EXO1: variants seen among roughly 807,000 people sequenced by gnomAD.
EXO1 encodes the protein exonuclease 1.
A neutral mutation model predicts 84.5 loss-of-function variants in EXO1; 69 were observed. That is an observed-to-expected ratio of 0.82 (90% CI 0.67 to 1.00). EXO1 has a LOEUF of 1.00. EXO1 is among the 50% of genes least tolerant of loss of function. The pLI is 0.00. For synonymous variants in EXO1, 373 were observed against 366.1 expected (o/e 1.02, Z -0.21); for missense variants, 1,045 against 1,000.7 (o/e 1.04, Z -0.60).
chr1:241,850,901 C>T (rs1156711713), intron 4 of EXO1, among the ~76,000 whole-genome samples: 1 of 123,978 alleles, frequency 8.1e-6, no homozygotes, highest in Non-Finnish European at 1.6e-5. Context: ...GTGGCACAAT[C>T]TTGGCTCACT....
chr1:241,866,865 A>G lies in EXO1; in HGVS notation c.1077A>G (p.Lys359=). 6.2e-7 allele frequency: 1 copy of G among 1,613,960 alleles called. No homozygotes were observed. Among genetic ancestry groups the G allele is most frequent in the Non-Finnish European group, 8.5e-7 (1 of 1,179,850 alleles). The change falls in exon 11 of 16, where the codon AAA becomes AAG. Residue 359 remains lysine, a synonymous_variant. Transcript: ENST00000366548. ...AHSRSHSWDD[K]TCQKSANVSS... The stretch of plus-strand genomic sequence containing the variant: ...CAAGAAGTCATAGTTGGGATGACAA[A>G]ACATGTCAAAAGTCAGCTAATGTTA...
chr1:241,874,364 GC>G (rs1401942561), intron 12 of EXO1, among the ~76,000 whole-genome samples: 1 of 152,204 alleles, frequency 6.6e-6, no homozygotes, highest in East Asian at 1.9e-4. Context: ...CTGCAGTCCA[GC>G]CAGGGTGAGA....
chr1:241,885,159 A>T (rs576911354), intron 14 of EXO1, among the ~76,000 whole-genome samples, 155 bp from the exon 15 acceptor site: 1 of 151,878 alleles, frequency 6.6e-6, no homozygotes, highest in East Asian at 1.9e-4. Flanking sequence ...GTGAGCCGAG[A>T]TCGCACCACT....
In EXO1 at chr1:241,855,756, A is replaced by G. The variant is rs1660976820; in HGVS notation, c.406-1589A>G. 2.6e-5 allele frequency among the ~76,000 whole-genome samples: 4 copies of G among 152,372 alleles called. No homozygotes were observed. The South Asian group carries it at 8.3e-4, about 32-fold the overall frequency. On this transcript the variant is annotated intron_variant, in intron 6 of 15. Coordinates refer to ENST00000366548, the MANE Select transcript of EXO1 (RefSeq NM_130398.4). ...AGGCAGCTAAGGCCCCGCGAGAAAT[A>G]GAGCGCAGCGCCGGTGGGCCGGCAC...
chr1:241,879,816 C>T (rs1662646393), intron 13 of EXO1, among the ~76,000 whole-genome samples: 1 of 151,982 alleles, frequency 6.6e-6, no homozygotes, highest in South Asian at 2.1e-4. Context: ...ACCAGCCTGG[C>T]CAGCATGGTG....
At chr1:241,871,137 G>T (rs566303426) in intron 11 of EXO1, among the ~76,000 whole-genome samples, 51 of 152,252 alleles carry the variant, frequency 3.3e-4, no homozygotes, top group African/African-American at 8.9e-4. Context: ...TGGGGACCCT[G>T]GAACACTTGT....
chr1:241,870,364 T>A (rs778500320), intron 11 of EXO1, among the ~76,000 whole-genome samples: 7 of 152,218 alleles, frequency 4.6e-5, no homozygotes, highest in Non-Finnish European at 1.0e-4. Flanking sequence ...ATTGTGACAC[T>A]CCTAAATTTC....
intron 10 of EXO1, among the ~76,000 whole-genome samples, chr1:241,862,190 G>A (rs896267753): frequency 1.3e-5 from 2 of 152,122 alleles, no homozygotes; most frequent in African/African-American, 4.8e-5. Flanking sequence ...TGCCCACCTC[G>A]GCCTCCCAAA....
In EXO1 at chr1:241,853,354, G is replaced by A. The variant is rs1383923195; in HGVS notation, c.282-4G>A. On this transcript the variant is annotated splice_polypyrimidine_tract_variant and splice_region_variant and intron_variant, in intron 5 of 15. Coordinates refer to ENST00000366548, the MANE Select transcript of EXO1 (RefSeq NM_130398.4). The stretch of plus-strand genomic sequence containing the variant: ...TATATTTAAAAAATGTTCTTCCCTT[G>A]CAGAAGACGACAAGCCAATCTTCTT... The A allele has an allele frequency of 1.9e-6, 3 of 1,613,476 alleles. No homozygotes were observed. Among genetic ancestry groups the A allele is most frequent in the Admixed American group, 3.3e-5 (2 of 59,992 alleles).
intron 12 of EXO1, among the ~76,000 whole-genome samples, chr1:241,875,896 A>T (rs1306681156): frequency 1.3e-5 from 2 of 152,194 alleles, no homozygotes; most frequent in Non-Finnish European, 2.9e-5. Context: ...AAAAAAATAC[A>T]CTGATTAAAA....
At chr1:241,866,744 GTTTA>G (rs1249961164) in intron 10 of EXO1, 82 bp from the exon 11 acceptor site, 1 of 1,019,514 alleles carries the variant, frequency 9.8e-7, no homozygotes, top group Admixed American at 1.8e-5. Context: ...AACTTAAGAT[GTTTA>G]TTTATAATTT....
intron 13 of EXO1, among the ~76,000 whole-genome samples, chr1:241,880,163 G>C (rs550373130): frequency 6.6e-6 from 1 of 152,126 alleles, no homozygotes; most frequent in Admixed American, 6.5e-5. Flanking sequence ...AGTAACACAG[G>C]TGTGCATACT....
rs1301184090 is a variant in EXO1, at chr1:241,861,989, A to G, written c.1041+487A>G. On this transcript the variant is annotated intron_variant, in intron 10 of 15. Coordinates refer to ENST00000366548, the MANE Select transcript of EXO1 (RefSeq NM_130398.4). ...GTTTCATTCTTGTTGCCCAGGCTGG[A>G]GTGCAATGGTGCGATCTCAGCTCAC... Among the ~76,000 whole-genome samples the G allele has an allele frequency of 4.6e-5, 7 of 152,136 alleles. No individual in the cohort carries two copies. In the South Asian group the frequency reaches 1.0e-3, roughly 23 times the overall value.
intron 11 of EXO1, among the ~76,000 whole-genome samples, chr1:241,869,746 C>T (rs1270082349): frequency 1.1e-5 from 1 of 88,262 alleles, no homozygotes; most frequent in Non-Finnish European, 2.3e-5. Context: ...TTCCCTCCCT[C>T]CCTCCTTCCT....
chr1:241,853,255 CTT>C, intron 5 of EXO1, 101 bp from the exon 6 acceptor site: 4 of 1,356,886 alleles, frequency 2.9e-6, no homozygotes, highest in South Asian at 1.2e-5. Flanking sequence ...GAGTCAAAAA[CTT>C]TTTTCAGTTC....
rs4149950 is a variant in EXO1 at position 241,867,523 on chromosome 1, T to A, written c.1267+468T>A. On this transcript the variant is annotated intron_variant, in intron 11 of 15. Coordinates refer to ENST00000366548, the MANE Select transcript of EXO1 (RefSeq NM_130398.4). ...ATTTGGGTGGGGACACAGCCAAACATTATCATTAGTTTTAGCTCTTACATT... is the reference window on the plus strand; with the variant it reads ...ATTTGGGTGGGGACACAGCCAAACAATATCATTAGTTTTAGCTCTTACATT... Among the ~76,000 whole-genome samples the A allele has an allele frequency of 5.5e-3, 840 of 152,260 alleles. 6 individuals carry two copies. Among genetic ancestry groups the A allele is most frequent in the African/African-American group, 0.019 (802 of 41,546 alleles).
intron 12 of EXO1, among the ~76,000 whole-genome samples, chr1:241,875,408 C>T (rs984205199): frequency 5.3e-5 from 8 of 152,200 alleles, no homozygotes; most frequent in Non-Finnish European, 1.2e-4. Flanking sequence ...TTAGTCTCAC[C>T]TCGGGTGATG....
intron 9 of EXO1, 45 bp downstream of exon 9, chr1:241,860,749 C>T (rs1661336882): frequency 6.6e-7 from 1 of 1,509,400 alleles, no homozygotes; most frequent in Non-Finnish European, 9.2e-7. Context: ...CATTTTTCTT[C>T]AATATTTTTA....
At chr1:241,859,684 T>C (rs1661262935) in intron 8 of EXO1, among the ~76,000 whole-genome samples, 1 of 152,176 alleles carries the variant, frequency 6.6e-6, no homozygotes, top group Admixed American at 6.5e-5. Context: ...TTTTGGATAA[T>C]GTGTACCCAA....
Sources: allele counts gnomAD v4.1 joint callset (sites outside exome capture counted in the v4.1 genomes callset), GRCh38; gene constraint gnomAD v4.1.1; transcripts MANE v1.5; gene names NCBI Gene and HGNC (gene_info 2026-07-23, HGNC 2026-07-21).